DENND1A: variants seen among roughly 807,000 people sequenced by gnomAD.
DENND1A encodes the protein DENN domain containing 1A, also known as DENN domain-containing protein 1A.
A neutral mutation model predicts 113.7 loss-of-function variants in DENND1A; 51 were observed. The ratio of observed to expected loss-of-function variants is 0.45; its 90% CI spans 0.36 to 0.57. The LOEUF (loss-of-function observed/expected upper bound fraction) is 0.57, where lower values mean the gene tolerates loss of function less well. Among genes scored for constraint, DENND1A ranks in the 20% least tolerant of loss-of-function variants. The pLI is 0.00. For synonymous variants in DENND1A, 565 were observed against 570.8 expected (o/e 0.99, Z 0.14); for missense variants, 1,258 against 1,395.9 (o/e 0.90, Z 1.57).
At chr9:123,482,166 T>C (rs1465802463) in intron 13 of DENND1A, among the ~76,000 whole-genome samples, 1 of 151,962 alleles carries the variant, frequency 6.6e-6, no homozygotes, top group Non-Finnish European at 1.5e-5. Flanking sequence ...GGCGCGATCT[T>C]GGTTCACTGC....
Position 123,548,526 on chromosome 9 carries a change from C to T in DENND1A, c.993+9044G>A, listed in dbSNP as rs140197123. 9.0e-4 allele frequency among the ~76,000 whole-genome samples: 137 copies of T among 152,248 alleles called. 1 individual carries two copies. Among genetic ancestry groups the T allele is most frequent in the African/African-American group, 3.2e-3 (131 of 41,552 alleles). ...TTTGGAGGTTCCTCAAAAAGTTAAA[C>T]GTAGAATTACCAGATGACCCACAAC... On this transcript the variant is annotated intron_variant, in intron 13 of 23. Coordinates refer to ENST00000394215, the MANE Select transcript of DENND1A (RefSeq NM_001352964.2).
chr9:123,518,484 T>C (rs2134889224), intron 13 of DENND1A, among the ~76,000 whole-genome samples: 1 of 152,302 alleles, frequency 6.6e-6, no homozygotes, highest in East Asian at 1.9e-4. Flanking sequence ...CCTGCCCACC[T>C]ACCCCAGAAT....
Position 123,590,681 on chromosome 9 carries a change from T to C in DENND1A, c.766-7411A>G, listed in dbSNP as rs368671954. Among the ~76,000 whole-genome samples the C allele has an allele frequency of 7.9e-5, 12 of 152,346 alleles. No homozygotes were observed. The East Asian group carries it at 2.1e-3, about 27-fold the overall frequency. On this transcript the variant is annotated intron_variant, in intron 11 of 23. Coordinates refer to ENST00000394215, the MANE Select transcript of DENND1A (RefSeq NM_001352964.2). ...TATCTTTATTGTGGTGGTTTCATGA[T>C]CGTATAAAACTGTCAAAATGCATTG...
intron 14 of DENND1A, 112 bp from the exon 15 acceptor site, chr9:123,457,547 C>G (rs2048218739): frequency 1.1e-6 from 1 of 914,882 alleles, no homozygotes; most frequent in South Asian, 1.5e-5. Context: ...AAGTAAGGTT[C>G]AACAGGCAAG....
At chr9:123,821,091 T>C (rs574553998) in intron 2 of DENND1A, among the ~76,000 whole-genome samples, 20 of 152,236 alleles carry the variant, frequency 1.3e-4, no homozygotes, top group Non-Finnish European at 2.4e-4. Flanking sequence ...AGGAATACTG[T>C]TTTGACAACT....
chr9:123,844,214 G>T (rs868367634), intron 2 of DENND1A, among the ~76,000 whole-genome samples: 5 of 152,056 alleles, frequency 3.3e-5, no homozygotes, highest in Non-Finnish European at 5.9e-5. Flanking sequence ...GGAGGTTCTA[G>T]CCAGGGTAAT....
intron 13 of DENND1A, among the ~76,000 whole-genome samples, chr9:123,485,360 T>C (rs1478689207): frequency 2.6e-5 from 4 of 152,232 alleles, no homozygotes; most frequent in Non-Finnish European, 5.9e-5. Context: ...TTTTTGCCTC[T>C]TATTCCAAAG....
At chr9:123,758,554 A>G (rs1029923024) in intron 4 of DENND1A, among the ~76,000 whole-genome samples, 24 of 152,216 alleles carry the variant, frequency 1.6e-4, no homozygotes, top group African/African-American at 4.6e-4. Context: ...CTAAATTCCT[A>G]TATCTTTCAT....
intron 13 of DENND1A, among the ~76,000 whole-genome samples, chr9:123,536,579 G>A (rs2055794637): frequency 6.6e-6 from 1 of 152,148 alleles, no homozygotes; most frequent in South Asian, 2.1e-4. Flanking sequence ...GCAACAGCAG[G>A]TCAGTGTGAG....
intron 2 of DENND1A, among the ~76,000 whole-genome samples, chr9:123,814,797 T>C (rs1837192261): frequency 6.6e-6 from 1 of 152,176 alleles, no homozygotes; most frequent in South Asian, 2.1e-4. Context: ...AATGGAAAAA[T>C]GCACTCTAGT....
At chr9:123,709,526 T>C (rs2066448034) in intron 5 of DENND1A, among the ~76,000 whole-genome samples, 1 of 152,144 alleles carries the variant, frequency 6.6e-6, no homozygotes, top group Admixed American at 6.5e-5. Context: ...CCTCTTACCC[T>C]CCACCCCTGA....
At chr9:123,423,973 A>C (rs1469248211) in intron 19 of DENND1A, among the ~76,000 whole-genome samples, 2 of 152,152 alleles carry the variant, frequency 1.3e-5, no homozygotes, top group African/African-American at 2.4e-5. Context: ...CTGGGGGCTG[A>C]AGAGCTGGCA....
chr9:123,402,020 C>G (rs2043512151), intron 21 of DENND1A: 1 of 1,470,164 alleles, frequency 6.8e-7, no homozygotes. Context: ...AAAGAGGGGA[C>G]TTCAAAGAAA....
At chr9:123,826,388 C>A (rs370384453) in intron 2 of DENND1A, among the ~76,000 whole-genome samples, 1 of 151,878 alleles carries the variant, frequency 6.6e-6, no homozygotes, top group Admixed American at 6.6e-5. Flanking sequence ...AATGACAGAG[C>A]GAGACCCTGT....
chr9:123,494,911 C>T (rs2051726775), intron 13 of DENND1A, among the ~76,000 whole-genome samples: 1 of 152,104 alleles, frequency 6.6e-6, no homozygotes, highest in Non-Finnish European at 1.5e-5. Context: ...CATGCCTCAG[C>T]CTCCTGAGTA....
At chr9:123,420,385 G>A (rs921708900) in intron 19 of DENND1A, among the ~76,000 whole-genome samples, 3 of 152,196 alleles carry the variant, frequency 2.0e-5, no homozygotes, top group Admixed American at 2.0e-4. Context: ...GTTTCTGGGT[G>A]CCCCACAACT....
In DENND1A at chr9:123,752,689, A is replaced by G. The variant is rs78279205; in HGVS notation, c.302+5014T>C. 5.1e-3 allele frequency among the ~76,000 whole-genome samples: 781 copies of G among 152,354 alleles called. 4 individuals are homozygous for G. Among genetic ancestry groups the G allele is most frequent in the African/African-American group, 0.018 (741 of 41,590 alleles). On this transcript the variant is annotated intron_variant, in intron 5 of 23. Transcript: ENST00000394215. Reference sequence around the variant, plus strand: ...ATTACAGTTTTGGCCTTGATGGAGTATGTGCCATTGGGGCAAATCAAATAT... The same window carrying G: ...ATTACAGTTTTGGCCTTGATGGAGTGTGTGCCATTGGGGCAAATCAAATAT...
intron 21 of DENND1A, among the ~76,000 whole-genome samples, chr9:123,397,259 AT>A (rs2043182588): frequency 6.6e-6 from 1 of 152,038 alleles, no homozygotes; most frequent in South Asian, 2.1e-4. Context: ...GGTTCAAATG[AT>A]TCTCCTGCCT....
chr9:123,835,205 T>C (rs1054710120), intron 2 of DENND1A, among the ~76,000 whole-genome samples: 2 of 150,974 alleles, frequency 1.3e-5, no homozygotes, highest in African/African-American at 4.9e-5. Flanking sequence ...ATGCACCAAA[T>C]AGCAAACGTG....
Sources: gnomAD v4.1 joint callset for allele counts (sites outside exome capture counted in the v4.1 genomes callset) on GRCh38, gnomAD v4.1.1 for gene constraint, MANE v1.5 for transcripts, NCBI Gene and HGNC (gene_info 2026-07-23, HGNC 2026-07-21) for gene names.